The following MMS22L variants were observed in gnomAD, a reference collection of about 807,000 sequenced individuals.
MMS22L encodes the protein MMS22 like, DNA repair protein.
MMS22L carries 74 observed loss-of-function variants against 159.1 expected under a neutral mutation model. The ratio of observed to expected loss-of-function variants is 0.47; its 90% CI spans 0.39 to 0.56. MMS22L has a LOEUF of 0.56. MMS22L is among the 20% of genes least tolerant of loss of function. The pLI is 0.00. For missense variants in MMS22L, 1,351 were observed against 1,422.1 expected, an observed-to-expected ratio of 0.95 and a Z score of 0.80; for synonymous variants, 517 against 506.9, an observed-to-expected ratio of 1.02 and a Z score of -0.27.
chr6:97,160,022 AC>A (rs1384099580), intron 22 of MMS22L, among the ~76,000 whole-genome samples: 2 of 136,030 alleles, frequency 1.5e-5, no homozygotes, highest in Non-Finnish European at 3.1e-5. Flanking sequence ...TTAGCCTAAT[AC>A]TGTTTTCTCT....
intron 7 of MMS22L, among the ~76,000 whole-genome samples, chr6:97,269,055 G>A (rs561614784): frequency 1.3e-5 from 2 of 151,780 alleles, no homozygotes; most frequent in African/African-American, 2.4e-5. Context: ...TATCCACAAG[G>A]ATAAAAGATA....
chr6:97,172,763 T>G (rs978960003), intron 19 of MMS22L, among the ~76,000 whole-genome samples: 2 of 152,174 alleles, frequency 1.3e-5, no homozygotes, highest in African/African-American at 4.8e-5. Context: ...TCCATTCTAG[T>G]TATTCAGGTA....
At chr6:97,235,161 A>G (rs978608314) in intron 11 of MMS22L, among the ~76,000 whole-genome samples, 4 of 152,240 alleles carry the variant, frequency 2.6e-5, no homozygotes, top group South Asian at 2.1e-4. Flanking sequence ...GTGCGAAACT[A>G]TAAGACTGAA....
In MMS22L at chr6:97,268,045, AAGTC is replaced by A. The variant is rs781576318; in HGVS notation, c.698-47_698-44del. The A allele has an allele frequency of 6.4e-5, 86 of 1,345,148 alleles. 1 individual carries two copies. The highest frequency in any genetic ancestry group is 1.1e-4 in the East Asian group (4 of 37,654). 83.3% of individuals were successfully genotyped at this position (1,345,148 alleles called of 1,614,324 possible). A position where few individuals can be genotyped will look rare whatever the true frequency, so the allele number is the denominator to read the frequency against. On this transcript the variant is annotated intron_variant, in intron 7 of 24. Coordinates refer to ENST00000683635, the MANE Select transcript of MMS22L (RefSeq NM_001350599.2). Reference sequence around the variant, plus strand: ...ATAGTTTTAAAATACAGATTTTACTAAGTCAGAAAGGAAAAAGTGACTGTACATC... The same window carrying A: ...ATAGTTTTAAAATACAGATTTTACTAAGAAAGGAAAAAGTGACTGTACATC...
chr6:97,241,149 T>C (rs1009340549), intron 11 of MMS22L, among the ~76,000 whole-genome samples: 5 of 152,228 alleles, frequency 3.3e-5, no homozygotes. Flanking sequence ...TTCATTCCTT[T>C]TTAAGGCTGA....
At chr6:97,184,381 A>G (rs918211802) in intron 15 of MMS22L, among the ~76,000 whole-genome samples, 9 of 152,092 alleles carry the variant, frequency 5.9e-5, no homozygotes, top group African/African-American at 2.2e-4. Flanking sequence ...TTAAAGAATT[A>G]TTTATATATG....
chr6:97,254,451 A>C, intron 10 of MMS22L, 106 bp downstream of exon 10: 1 of 801,258 alleles, frequency 1.2e-6, no homozygotes, highest in South Asian at 1.8e-5. Context: ...TATCTCTGTG[A>C]TTGTAGTCTG....
At chr6:97,170,967 C>A (rs964749310) in intron 19 of MMS22L, among the ~76,000 whole-genome samples, 1 of 152,130 alleles carries the variant, frequency 6.6e-6, no homozygotes, top group African/African-American at 2.4e-5. Context: ...GATCACGTCA[C>A]TGCACTTCAG....
intron 14 of MMS22L, among the ~76,000 whole-genome samples, chr6:97,225,471 C>T (rs1810130871): frequency 6.6e-6 from 1 of 152,138 alleles, no homozygotes; most frequent in Non-Finnish European, 1.5e-5. Flanking sequence ...CTACCTCAGC[C>T]TCCTGAGTAT....
intron 19 of MMS22L, among the ~76,000 whole-genome samples, chr6:97,169,635 T>C (rs1803318105): frequency 6.6e-6 from 1 of 152,144 alleles, no homozygotes; most frequent in African/African-American, 2.4e-5. Context: ...CAATAATCAA[T>C]CATAAAGAAA....
intron 22 of MMS22L, among the ~76,000 whole-genome samples, chr6:97,157,800 C>A (rs139847605): frequency 6.6e-6 from 1 of 152,018 alleles, no homozygotes; most frequent in Non-Finnish European, 1.5e-5. Context: ...TGTGTCTCTG[C>A]CAGGTTTTAG....
intron 11 of MMS22L, among the ~76,000 whole-genome samples, chr6:97,238,799 A>G (rs934041395): frequency 5.5e-5 from 7 of 127,284 alleles, no homozygotes; most frequent in African/African-American, 1.8e-4. Context: ...TTGGACTAAT[A>G]AGGTGCACAT....
intron 24 of MMS22L, among the ~76,000 whole-genome samples, chr6:97,148,398 CAGA>C (rs1250263368): frequency 4.6e-5 from 7 of 151,896 alleles, no homozygotes; most frequent in African/African-American, 1.7e-4. Flanking sequence ...GGAGGTATTC[CAGA>C]AGAAGGCTTC....
At chr6:97,264,232 A>T (rs1814827054) in intron 8 of MMS22L, 2 of 152,160 alleles carry the variant, frequency 1.3e-5, no homozygotes, top group Admixed American at 6.5e-5. Context: ...TGAGTCATCT[A>T]CAACAAAAGA....
chr6:97,143,159 A>T lies in MMS22L; in HGVS notation c.*3647T>A, dbSNP rs1800718165. On this transcript the variant is annotated 3_prime_UTR_variant, in exon 25 of 25. Coordinates refer to ENST00000683635, the MANE Select transcript of MMS22L (RefSeq NM_001350599.2). ...CTCTGTTGTCCTTCAGTTGTCTTTT[A>T]TACTCTATCTGGTATTTTATAGATA... is the stretch of plus-strand genomic sequence containing the variant. The T allele has an allele frequency of 6.6e-6, 1 of 152,382 alleles. No homozygotes were observed. Among genetic ancestry groups the T allele is most frequent in the Admixed American group, 6.5e-5 (1 of 15,286 alleles). 9.4% of individuals were successfully genotyped at this position (152,382 alleles called of 1,614,324 possible).
chr6:97,284,034 A>G (rs1817017272), upstream of MMS22L, among the ~76,000 whole-genome samples: 2 of 152,242 alleles, frequency 1.3e-5, no homozygotes, highest in Non-Finnish European at 2.9e-5. Context: ...ACCTGCTTAC[A>G]TTAAAAAGAA....
intron 3 of MMS22L, among the ~76,000 whole-genome samples, chr6:97,279,483 C>CA (rs34421690): frequency 0.085 from 12,236 of 144,454 alleles, 906 homozygotes; most frequent in African/African-American, 0.2. Context: ...GACTTCGTCT[C>CA]AAAAAAAAAA....
At position 97,240,787 on chromosome 6, in the gene MMS22L, C is replaced by T. The variant is rs146108482; in HGVS notation, c.1182+5841G>A. Among the ~76,000 whole-genome samples, 5 of 152,238 alleles carry T rather than the reference C, an allele frequency of 3.3e-5. No individual in the cohort carries two copies. The East Asian group carries it at 7.7e-4, about 24-fold the overall frequency. On this transcript the variant is annotated intron_variant, in intron 11 of 24. Coordinates refer to ENST00000683635, the MANE Select transcript of MMS22L (RefSeq NM_001350599.2). ...GATTACAGGCACATGCCACCACACC[C>T]GGCTAACTTTTGTATTTTTAGTAGA...
intron 14 of MMS22L, among the ~76,000 whole-genome samples, chr6:97,224,465 G>A (rs1257806627): frequency 4.0e-5 from 6 of 151,164 alleles, no homozygotes; most frequent in Admixed American, 4.0e-4. Flanking sequence ...TAGAGGGTTG[G>A]AATAGTACTA....
Sources: allele counts gnomAD v4.1 joint callset (sites outside exome capture counted in the v4.1 genomes callset), GRCh38; gene constraint gnomAD v4.1.1; transcripts MANE v1.5; gene names NCBI Gene and HGNC (gene_info 2026-07-23, HGNC 2026-07-21).